POLR1C: variants seen among roughly 807,000 people sequenced by gnomAD.
POLR1C encodes the protein RNA polymerase I and III subunit C.
Under a neutral mutation model 38.3 loss-of-function variants are expected in POLR1C, and 42 were observed. The ratio of observed to expected loss-of-function variants is 1.10; its 90% CI spans 0.86 to 1.42. The LOEUF is 1.42. POLR1C is among the 40% of genes most tolerant of loss of function. POLR1C has a pLI of 0.00. For missense variants in POLR1C, 507 were observed against 450.5 expected (o/e 1.13, Z -1.14); for synonymous variants, 163 against 163.9 (o/e 0.99, Z 0.04).
At chr6:43,533,243 C>CACAT (rs1339693611), downstream of POLR1C, 1 of 130,914 alleles carries the variant, frequency 7.6e-6, no homozygotes, top group African/African-American at 3.9e-5. Context: ...CACACACACA[C>CACAT]ACACACACAC....
chr6:43,526,035 G>T, downstream of POLR1C: 2 of 1,195,170 alleles, frequency 1.7e-6, no homozygotes, highest in Non-Finnish European at 2.4e-6. Flanking sequence ...GCTAAGTGGT[G>T]GCTAAGTAGT....
chr6:43,521,043 A>G lies in POLR1C; in HGVS notation c.917A>G (p.Tyr306Cys), dbSNP rs137871425. 15 of 1,612,808 alleles carry G rather than the reference A, an allele frequency of 9.3e-6. No homozygotes were observed. Among genetic ancestry groups the G allele is most frequent in the African/African-American group, 5.3e-5 (4 of 74,902 alleles). Residue 306 changes from tyrosine (Y) to cysteine (C), a missense_variant, in exon 8 of 9, where the codon TAT becomes TGT. Transcript: ENST00000642195. ...AGGCTTGCCCGGGTTCGAGATCATT[A>G]TATCTGTGAGTATGAAGTGGTGAGA... ...VVRLARVRDHYIFSVESTGVL... is the reference protein window; with the variant it reads ...VVRLARVRDHCIFSVESTGVL...
chr6:43,530,866 ACATCTGTTACTGC>A, downstream of POLR1C: 1 of 1,588,766 alleles, frequency 6.3e-7, no homozygotes, highest in Non-Finnish European at 8.6e-7. Flanking sequence ...GACAAATCCA[ACATCTGTTACTGC>A]CAGCCCTGTC....
chr6:43,524,784 G>A, downstream of POLR1C: 1 of 1,604,882 alleles, frequency 6.2e-7, no homozygotes, highest in Non-Finnish European at 8.5e-7. Flanking sequence ...GGAGCAGACT[G>A]AGTGATGAAG....
chr6:43,523,496 C>T (rs1011613504), downstream of POLR1C: 9 of 388,824 alleles, frequency 2.3e-5, 1 homozygote, highest in South Asian at 6.1e-5. Context: ...CCTTGCTAGT[C>T]GCAGGGTTGG....
Position 43,539,463 on chromosome 6 carries a change from T to C in POLR1C, c.*4+10104T>C. 4.4e-6 allele frequency: 7 copies of C among 1,575,960 alleles called. No homozygotes were observed. In the Admixed American group the frequency reaches 6.7e-5, roughly 15 times the overall value. On this transcript the variant is annotated intron_variant, in intron 9 of 10. Coordinates refer to the POLR1C transcript ENST00000607635. ...TTAATGGGCAGGGAGAAGAGATAGA[T>C]CTCCTCCAGGGACTTGATCTTCATG...
chr6:43,532,032 G>A (rs949172498), downstream of POLR1C, among the ~76,000 whole-genome samples: 2 of 152,032 alleles, frequency 1.3e-5, no homozygotes, highest in South Asian at 2.1e-4. Flanking sequence ...TTTACATTTC[G>A]AGTCCTATAG....
intron 9 of POLR1C, among the ~76,000 whole-genome samples, chr6:43,536,239 AC>A (rs1794314428): frequency 6.6e-6 from 1 of 151,942 alleles, no homozygotes; most frequent in Non-Finnish European, 1.5e-5. Flanking sequence ...ACATGGTGAA[AC>A]CCTGTCTCTA....
At chr6:43,549,472 A>T in intron 9 of POLR1C, 1 of 1,584,502 alleles carries the variant, frequency 6.3e-7, no homozygotes, top group Admixed American at 1.9e-5. Context: ...TACTTCAGCC[A>T]GGGTCCAGCA....
downstream of POLR1C, among the ~76,000 whole-genome samples, chr6:43,530,422 CAAAA>C (rs780873253): frequency 1.5e-5 from 2 of 130,240 alleles, no homozygotes; most frequent in Non-Finnish European, 3.3e-5. Flanking sequence ...AAGACTGTCT[CAAAA>C]AAAAAAAAAA....
At chr6:43,554,422 CT>C (rs753397086) in intron 10 of POLR1C, among the ~76,000 whole-genome samples, 161 of 136,750 alleles carry the variant, frequency 1.2e-3, no homozygotes, top group Middle Eastern at 4.4e-3. Context: ...CTTTTCTTTT[CT>C]TTTTTTTTTT....
intron 8 of POLR1C, chr6:43,527,526 C>T (rs937403385): frequency 8.9e-6 from 10 of 1,129,796 alleles, no homozygotes; most frequent in Admixed American, 4.1e-5. Flanking sequence ...CCATGCCCGC[C>T]GCAAACATGA....
At chr6:43,561,174 A>G (rs1241345116) in intron 10 of POLR1C, among the ~76,000 whole-genome samples, 1 of 152,194 alleles carries the variant, frequency 6.6e-6, no homozygotes, top group Non-Finnish European at 1.5e-5. Context: ...GGGCTAAAAT[A>G]TAGGTTACTT....
rs1050883964 is a variant in POLR1C, at chr6:43,537,113, T to C, written c.*4+7754T>C. Among the ~76,000 whole-genome samples, 5 of 151,580 alleles carry C rather than the reference T, an allele frequency of 3.3e-5. No homozygotes were observed. In the South Asian group the frequency reaches 1.0e-3, roughly 32 times the overall value. The stretch of plus-strand genomic sequence containing the variant: ...TCCCGAGTAGCTGGGACTATAAGTG[T>C]GCACCACCACACGTGAATAATTAAA... On this transcript the variant is annotated intron_variant, in intron 9 of 10. Transcript: ENST00000607635.
intron 9 of POLR1C, among the ~76,000 whole-genome samples, chr6:43,544,516 G>A (rs1258511499): frequency 6.6e-6 from 1 of 152,156 alleles, no homozygotes; most frequent in East Asian, 1.9e-4. Context: ...CGTCTGGGTT[G>A]GCCACATAGA....
chr6:43,524,041 C>A, downstream of POLR1C: 2 of 1,601,548 alleles, frequency 1.2e-6, no homozygotes, highest in Middle Eastern at 1.7e-4. Flanking sequence ...TAATGCTGGG[C>A]CCTCAGTAGT....
chr6:43,529,347 C>G lies in POLR1C; in HGVS notation c.1021C>G (p.Pro341Ala), dbSNP rs773034133. 3 of 484,746 alleles carry G rather than the reference C, an allele frequency of 6.2e-6. No individual in the cohort carries two copies. The East Asian group carries it at 1.9e-4, about 31-fold the overall frequency. 30.0% of individuals were successfully genotyped at this position (484,746 alleles called of 1,614,324 possible). A position where few individuals can be genotyped will look rare whatever the true frequency, so the allele number is the denominator to read the frequency against. The change falls in exon 9 of 9, where the codon CCT (proline) becomes GCT (alanine). Residue 341 changes from proline to alanine, a missense_variant. Coordinates refer to the POLR1C transcript ENST00000304004. ...CACGGGGTCAAGAGAGCGAGACCAT[C>G]CTGGCTAACATGGTGAAACCCCGTC...
chr6:43,539,754 T>C (rs1794585759), intron 9 of POLR1C: 1 of 600,940 alleles, frequency 1.7e-6, no homozygotes, highest in Non-Finnish European at 2.9e-6. Flanking sequence ...TGGGAATAGT[T>C]TGTCTAAGAG....
In POLR1C at chr6:43,556,400, C is replaced by CT. The variant is rs1582232609; in HGVS notation, c.*49-4999dup. On this transcript the variant is annotated intron_variant, in intron 10 of 10. Coordinates refer to the POLR1C transcript ENST00000607635. The stretch of plus-strand genomic sequence containing the variant: ...AGTAGCCAGGTGTGGTGGCATGCTC[C>CT]TATAGTCCCAGTAACTTGGGAGAGT... Among the ~76,000 whole-genome samples the CT allele has an allele frequency of 3.3e-5, 5 of 151,942 alleles. No individual in the cohort carries two copies. The East Asian group carries it at 9.7e-4, about 29-fold the overall frequency.
Sources: gnomAD v4.1 joint callset for allele counts (sites outside exome capture counted in the v4.1 genomes callset) on GRCh38, gnomAD v4.1.1 for gene constraint, MANE v1.5 for transcripts, NCBI Gene and HGNC (gene_info 2026-07-23, HGNC 2026-07-21) for gene names.